The following PTPRM variants were observed in gnomAD, a reference collection of about 807,000 sequenced individuals.
The protein encoded by PTPRM is receptor-type tyrosine-protein phosphatase mu.
PTPRM carries 47 observed loss-of-function variants against 186.7 expected under a neutral mutation model. The observed-to-expected ratio is 0.25, with a 90% CI of 0.20 to 0.32. The LOEUF (loss-of-function observed/expected upper bound fraction) is 0.32, where lower values mean the gene tolerates loss of function less well. Among genes scored for constraint, PTPRM ranks in the 10% least tolerant of loss-of-function variants. PTPRM has a pLI of 1.00. For missense variants in PTPRM, 1,494 were observed against 1,865.0 expected, an observed-to-expected ratio of 0.80 and a Z score of 3.66; for synonymous variants, 668 against 674.9, an observed-to-expected ratio of 0.99 and a Z score of 0.16.
chr18:8,248,032 T>C (rs2094494101), intron 16 of PTPRM, 113 bp downstream of exon 16: 1 of 1,351,488 alleles, frequency 7.4e-7, no homozygotes, highest in Non-Finnish European at 1.1e-6. Flanking sequence ...TGAGATGTTG[T>C]AACCCAATGC....
chr18:7,737,920 G>A (rs2040806114), intron 1 of PTPRM, among the ~76,000 whole-genome samples: 1 of 152,170 alleles, frequency 6.6e-6, no homozygotes, highest in African/African-American at 2.4e-5. Flanking sequence ...GGGTACTGTA[G>A]CTTTCCCTTT....
chr18:8,374,388 A>G (rs1176181048), intron 24 of PTPRM, among the ~76,000 whole-genome samples: 1 of 152,154 alleles, frequency 6.6e-6, no homozygotes, highest in Non-Finnish European at 1.5e-5. Flanking sequence ...CTTTGGAATA[A>G]AGTATTTACC....
intron 1 of PTPRM, among the ~76,000 whole-genome samples, chr18:7,663,182 T>G (rs2039017489): frequency 6.6e-6 from 1 of 152,116 alleles, no homozygotes; most frequent in African/African-American, 2.4e-5. Flanking sequence ...GCCATGGACA[T>G]AAGGAAAGGT....
At chr18:7,932,740 G>A (rs2051563144) in intron 5 of PTPRM, among the ~76,000 whole-genome samples, 2 of 151,968 alleles carry the variant, frequency 1.3e-5, no homozygotes, top group South Asian at 4.1e-4. Flanking sequence ...TTACTGTTTT[G>A]CAAGCAGAGT....
chr18:8,064,377 AT>A (rs35837245), intron 7 of PTPRM, among the ~76,000 whole-genome samples: 27 of 148,476 alleles, frequency 1.8e-4, no homozygotes, highest in East Asian at 2.0e-4. Context: ...CTGTAAGACT[AT>A]TTTTTTTTTT....
At chr18:8,075,254 ATATC>A (rs1208072037) in intron 8 of PTPRM, among the ~76,000 whole-genome samples, 2 of 103,136 alleles carry the variant, frequency 1.9e-5, no homozygotes, top group African/African-American at 3.9e-5. Flanking sequence ...TTCCATATCT[ATATC>A]TATCTATCTA....
intron 1 of PTPRM, among the ~76,000 whole-genome samples, chr18:7,577,163 G>A (rs1302748508): frequency 6.6e-6 from 1 of 151,966 alleles, no homozygotes; most frequent in Non-Finnish European, 1.5e-5. Flanking sequence ...TGTGTTTAGT[G>A]CCTGGTGCCA....
chr18:8,119,643 A>G (rs2092096165), intron 13 of PTPRM, among the ~76,000 whole-genome samples: 1 of 152,204 alleles, frequency 6.6e-6, no homozygotes. Context: ...AAGTTCCTAA[A>G]GAAAAGAATC....
At chr18:7,965,244 C>T (rs1470976761) in intron 7 of PTPRM, among the ~76,000 whole-genome samples, 2 of 152,066 alleles carry the variant, frequency 1.3e-5, no homozygotes, top group East Asian at 1.9e-4. Context: ...TGGGGTTTCA[C>T]CATGTTAATC....
chr18:8,353,107 C>T (rs1373737357), intron 23 of PTPRM, among the ~76,000 whole-genome samples: 1 of 152,086 alleles, frequency 6.6e-6, no homozygotes, highest in Non-Finnish European at 1.5e-5. Context: ...GAGACAGTAA[C>T]CACTTCAGCA....
intron 1 of PTPRM, among the ~76,000 whole-genome samples, chr18:7,769,393 T>A (rs1266721077): frequency 6.6e-6 from 1 of 152,146 alleles, no homozygotes; most frequent in East Asian, 1.9e-4. Flanking sequence ...ATAGAGTTGG[T>A]GTGAGGATTA....
chr18:7,878,024 C>T (rs1329593307), intron 2 of PTPRM, among the ~76,000 whole-genome samples: 1 of 152,086 alleles, frequency 6.6e-6, no homozygotes, highest in African/African-American at 2.4e-5. Flanking sequence ...TTCACCAGAA[C>T]CTCACAAGCA....
At chr18:7,580,211 CA>C (rs1348096945) in intron 1 of PTPRM, among the ~76,000 whole-genome samples, 1 of 152,246 alleles carries the variant, frequency 6.6e-6, no homozygotes, top group Non-Finnish European at 1.5e-5. Flanking sequence ...GATGGCACAG[CA>C]AAAGAGAATG....
chr18:7,958,720 A>C (rs2147150019), intron 7 of PTPRM, among the ~76,000 whole-genome samples: 1 of 152,150 alleles, frequency 6.6e-6, no homozygotes, highest in East Asian at 1.9e-4. Flanking sequence ...TTGTCTAAAT[A>C]CTCCATAATC....
intron 2 of PTPRM, among the ~76,000 whole-genome samples, chr18:7,855,552 C>T (rs769526226): frequency 2.0e-5 from 3 of 152,188 alleles, no homozygotes; most frequent in Non-Finnish European, 4.4e-5. Context: ...ATTCCATTTC[C>T]ACCCTCTACT....
At chr18:7,818,977 G>A (rs1288293283) in intron 2 of PTPRM, among the ~76,000 whole-genome samples, 1 of 152,196 alleles carries the variant, frequency 6.6e-6, no homozygotes, top group African/African-American at 2.4e-5. Context: ...TTAAGGTTAG[G>A]CTTGAGGAAG....
chr18:8,224,965 G>A (rs7241698), intron 14 of PTPRM, among the ~76,000 whole-genome samples: 1 of 151,932 alleles, frequency 6.6e-6, no homozygotes, highest in African/African-American at 2.4e-5. Context: ...AACTTGATTA[G>A]CGAGTTGCAG....
chr18:7,793,949 G>T (rs533207034), intron 2 of PTPRM, among the ~76,000 whole-genome samples: 3 of 152,312 alleles, frequency 2.0e-5, no homozygotes, highest in African/African-American at 7.2e-5. Context: ...AGCGGCAGAA[G>T]AGCACACCAC....
chr18:7,943,289 C>G (rs1442930034), intron 5 of PTPRM, among the ~76,000 whole-genome samples: 2 of 152,134 alleles, frequency 1.3e-5, no homozygotes, highest in Non-Finnish European at 2.9e-5. Context: ...GCTCTTCTGT[C>G]TCTTCATGCC....
Sources: allele counts gnomAD v4.1 joint callset (sites outside exome capture counted in the v4.1 genomes callset), GRCh38; gene constraint gnomAD v4.1.1; transcripts MANE v1.5; gene names NCBI Gene and HGNC (gene_info 2026-07-23, HGNC 2026-07-21).